Variants in FANCC observed in about 807,000 individuals in gnomAD.
The protein encoded by FANCC is Fanconi anemia group C protein.
Under a neutral mutation model 71.3 loss-of-function variants are expected in FANCC, and 55 were observed. The ratio of observed to expected loss-of-function variants is 0.77; its 90% confidence interval spans 0.62 to 0.97. FANCC has a LOEUF of 0.97. FANCC is among the 50% of genes least tolerant of loss of function. The pLI is 0.00. For synonymous variants in FANCC, 275 were observed against 244.9 expected (o/e 1.12, Z -1.15); for missense variants, 678 against 670.9 (o/e 1.01, Z -0.12).
chr9:95,117,180 G>A, intron 11 of FANCC, 135 bp downstream of exon 11: 1 of 792,232 alleles, frequency 1.3e-6, no homozygotes, highest in Non-Finnish European at 2.2e-6. Context: ...GGATCCTGGG[G>A]GCTTAAAGGG....
At chr9:95,132,391 T>C (rs1462903979) in intron 8 of FANCC, among the ~76,000 whole-genome samples, 1 of 152,248 alleles carries the variant, frequency 6.6e-6, no homozygotes, top group Non-Finnish European at 1.5e-5. Flanking sequence ...GAAGGCTGCA[T>C]AATTAACAAG....
At chr9:95,258,525 T>C (rs1041776893) in intron 1 of FANCC, among the ~76,000 whole-genome samples, 12 of 152,146 alleles carry the variant, frequency 7.9e-5, no homozygotes, top group African/African-American at 2.2e-4. Context: ...AACTAGGTAT[T>C]GATGGAACGT....
At chr9:95,136,235 A>AT (rs1045646639) in intron 7 of FANCC, among the ~76,000 whole-genome samples, 3 of 151,048 alleles carry the variant, frequency 2.0e-5, no homozygotes, top group East Asian at 1.9e-4. Flanking sequence ...ACAAAAAAAA[A>AT]TTTTTTTTTT....
intron 4 of FANCC, among the ~76,000 whole-genome samples, chr9:95,184,283 A>C (rs1426124657): frequency 6.6e-6 from 1 of 152,086 alleles, no homozygotes; most frequent in African/African-American, 2.4e-5. Context: ...ATTACCTGCA[A>C]GTGACTTATA....
chr9:95,229,297 C>CAAAAAA (rs34502007), intron 4 of FANCC, among the ~76,000 whole-genome samples: 20 of 99,382 alleles, frequency 2.0e-4, no homozygotes, highest in African/African-American at 7.2e-4. Context: ...GATTCCTTCT[C>CAAAAAA]AAAAAAAAAA....
At chr9:95,140,521 C>A (rs746811319) in intron 7 of FANCC, among the ~76,000 whole-genome samples, 2 of 152,126 alleles carry the variant, frequency 1.3e-5, no homozygotes, top group Non-Finnish European at 2.9e-5. Flanking sequence ...GAATTAAATT[C>A]TTCACAAGAA....
intron 3 of FANCC, among the ~76,000 whole-genome samples, chr9:95,245,879 C>T (rs1172350747): frequency 7.0e-6 from 1 of 142,722 alleles, no homozygotes; most frequent in Non-Finnish European, 1.5e-5. Flanking sequence ...CCTGGGTTGA[C>T]AAGAGCAAAA....
intron 4 of FANCC, among the ~76,000 whole-genome samples, chr9:95,177,267 T>G (rs907857875): frequency 2.0e-5 from 3 of 152,116 alleles, no homozygotes; most frequent in African/African-American, 7.2e-5. Flanking sequence ...TAAACCTATC[T>G]AAACATAGAA....
chr9:95,279,163 CA>C (rs1833225186), intron 1 of FANCC, among the ~76,000 whole-genome samples: 1 of 151,830 alleles, frequency 6.6e-6, no homozygotes, highest in African/African-American at 2.4e-5. Flanking sequence ...ACTAAAAATA[CA>C]AAAATTAGCT....
chr9:95,211,888 A>G (rs10821455), intron 4 of FANCC, among the ~76,000 whole-genome samples: 58,010 of 150,920 alleles, frequency 0.38, 11,772 homozygotes, highest in East Asian at 0.58. Context: ...AGAACCAGTC[A>G]CAACTTCTAC....
At chr9:95,247,072 T>A (rs1414539067) in intron 3 of FANCC, among the ~76,000 whole-genome samples, 1 of 152,248 alleles carries the variant, frequency 6.6e-6, no homozygotes, top group Non-Finnish European at 1.5e-5. Flanking sequence ...GTATCATTAG[T>A]ATAGCCATTT....
intron 6 of FANCC, among the ~76,000 whole-genome samples, chr9:95,157,236 A>G (rs1468083210): frequency 1.3e-5 from 2 of 152,226 alleles, no homozygotes; most frequent in Non-Finnish European, 2.9e-5. Flanking sequence ...GAAAATATAG[A>G]AATTGATCTC....
chr9:95,135,591 C>G, intron 7 of FANCC, 89 bp from the exon 8 acceptor site: 4 of 1,097,048 alleles, frequency 3.6e-6, no homozygotes, highest in Non-Finnish European at 5.4e-6. Flanking sequence ...ATCACTAATC[C>G]AATTTGTGAG....
chr9:95,294,701 C>T (rs1383931856), intron 1 of FANCC: 37 of 1,599,034 alleles, frequency 2.3e-5, no homozygotes, highest in Non-Finnish European at 3.1e-5. Flanking sequence ...ACTCAAACAA[C>T]AATGGACGAC....
chr9:95,301,477 G>T (rs1834729296), intron 1 of FANCC, among the ~76,000 whole-genome samples: 1 of 151,928 alleles, frequency 6.6e-6, no homozygotes, highest in Non-Finnish European at 1.5e-5. Context: ...GCCCAGGCTG[G>T]AGTGCAGTGG....
intron 3 of FANCC, among the ~76,000 whole-genome samples, chr9:95,242,616 TTTTTATTTTTCTCCCAAAA>T (rs1830705040): frequency 6.6e-6 from 1 of 152,148 alleles, no homozygotes; most frequent in Non-Finnish European, 1.5e-5. Context: ...GGTATATTAT[TTTTTATTTTTCTCCCAAAA>T]TTTTATTTTT....
chr9:95,130,993 T>C (rs879462911), intron 8 of FANCC, among the ~76,000 whole-genome samples: 1 of 152,248 alleles, frequency 6.6e-6, no homozygotes, highest in Non-Finnish European at 1.5e-5. Context: ...TTTTACATTT[T>C]CAGATCTATT....
chr9:95,220,651 A>T (rs1829189641), intron 4 of FANCC, among the ~76,000 whole-genome samples: 1 of 152,014 alleles, frequency 6.6e-6, no homozygotes, highest in Admixed American at 6.6e-5. Context: ...TCTCACTCAT[A>T]GGTGGGAATT....
At chr9:95,179,252 T>C (rs1826195579) in intron 4 of FANCC, among the ~76,000 whole-genome samples, 1 of 152,348 alleles carries the variant, frequency 6.6e-6, no homozygotes, top group East Asian at 1.9e-4. Flanking sequence ...ATCTGTACTT[T>C]GTTAGAAATA....
Sources: gnomAD v4.1 joint callset for allele counts (sites outside exome capture counted in the v4.1 genomes callset) on GRCh38, gnomAD v4.1.1 for gene constraint, MANE v1.5 for transcripts, NCBI Gene and HGNC (gene_info 2026-07-23, HGNC 2026-07-21) for gene names.